CNTNAP2: variants seen among roughly 807,000 people sequenced by gnomAD.
CNTNAP2 encodes contactin associated protein 2, also known as contactin-associated protein-like 2.
A neutral mutation model predicts 155.2 loss-of-function variants in CNTNAP2; 98 were observed. That is an observed-to-expected ratio of 0.63 (90% CI 0.54 to 0.75). The LOEUF (loss-of-function observed/expected upper bound fraction) is 0.75. Among genes scored for constraint, CNTNAP2 ranks in the 30% least tolerant of loss-of-function variants. The pLI is 0.00. For synonymous variants in CNTNAP2, 651 were observed against 631.2 expected (o/e 1.03, Z -0.47); for missense variants, 1,727 against 1,688.1 (o/e 1.02, Z -0.40).
At chr7:148,254,580 T>C (rs573064475) in intron 20 of CNTNAP2, among the ~76,000 whole-genome samples, 1 of 151,994 alleles carries the variant, frequency 6.6e-6, no homozygotes, top group African/African-American at 2.4e-5. Context: ...ATCGAGACCA[T>C]CCTGGCTAAC....
At chr7:147,932,496 G>T (rs772843930) in intron 14 of CNTNAP2, among the ~76,000 whole-genome samples, 6 of 152,102 alleles carry the variant, frequency 3.9e-5, no homozygotes, top group African/African-American at 9.7e-5. Context: ...TTGGGGCATT[G>T]TATATCCACA....
At position 146,594,941 on chromosome 7, in the gene CNTNAP2, G is replaced by A. The variant is rs1336472329; in HGVS notation, c.98-179330G>A. Among the ~76,000 whole-genome samples, 3 of 152,122 alleles carry A rather than the reference G, an allele frequency of 2.0e-5. No individual in the cohort carries two copies. In the East Asian group the frequency reaches 5.8e-4, roughly 29 times the overall value. ...TGACCCTGGAGTTAGGAAGAGGTGTGTAGTGACACATCATCATATCTTTAC... is the reference window on the plus strand; with the variant it reads ...TGACCCTGGAGTTAGGAAGAGGTGTATAGTGACACATCATCATATCTTTAC... On this transcript the variant is annotated intron_variant, in intron 1 of 23. Transcript: ENST00000361727.
chr7:146,629,303 G>T (rs879696419), intron 1 of CNTNAP2, among the ~76,000 whole-genome samples: 3 of 152,062 alleles, frequency 2.0e-5, no homozygotes, highest in Admixed American at 6.6e-5. Context: ...CATGAGAAAT[G>T]TAATGTCTTT....
intron 14 of CNTNAP2, among the ~76,000 whole-genome samples, chr7:147,925,559 C>G (rs1016667546): frequency 2.2e-4 from 33 of 152,076 alleles, no homozygotes; most frequent in Non-Finnish European, 5.9e-5. Context: ...CTCTGCCTCC[C>G]AGGTTCATGC....
chr7:147,272,237 T>C (rs1804768621), intron 8 of CNTNAP2, among the ~76,000 whole-genome samples: 1 of 152,048 alleles, frequency 6.6e-6, no homozygotes, highest in African/African-American at 2.4e-5. Context: ...TTGTAACCCT[T>C]CTCCATAACA....
intron 1 of CNTNAP2, among the ~76,000 whole-genome samples, chr7:146,383,874 T>C (rs1795424631): frequency 6.6e-6 from 1 of 152,204 alleles, no homozygotes; most frequent in Non-Finnish European, 1.5e-5. Flanking sequence ...TATCTCTGGC[T>C]TTTTTATGTG....
At chr7:148,040,211 G>C (rs2527054) in intron 15 of CNTNAP2, among the ~76,000 whole-genome samples, 66,183 of 152,044 alleles carry the variant, frequency 0.44, 15,628 homozygotes, top group East Asian at 0.84. Context: ...AAAAATAACT[G>C]AAATAAATGG....
At chr7:146,523,929 T>C (rs2129137842) in intron 1 of CNTNAP2, among the ~76,000 whole-genome samples, 1 of 152,310 alleles carries the variant, frequency 6.6e-6, no homozygotes, top group East Asian at 1.9e-4. Flanking sequence ...TAATTTTCCT[T>C]GTTCCTGTGC....
At chr7:148,077,264 G>A (rs539179610) in intron 15 of CNTNAP2, among the ~76,000 whole-genome samples, 2 of 150,956 alleles carry the variant, frequency 1.3e-5, no homozygotes, top group East Asian at 2.0e-4. Flanking sequence ...CCGAGATCAC[G>A]CCATTGCACT....
intron 1 of CNTNAP2, among the ~76,000 whole-genome samples, chr7:146,649,477 A>T (rs1243298930): frequency 6.6e-6 from 1 of 152,160 alleles, no homozygotes; most frequent in African/African-American, 2.4e-5. Flanking sequence ...CATTATTTCA[A>T]ACTTCAGTGA....
At chr7:148,121,606 G>T (rs77287705) in intron 16 of CNTNAP2, among the ~76,000 whole-genome samples, 1 of 152,132 alleles carries the variant, frequency 6.6e-6, no homozygotes, top group Non-Finnish European at 1.5e-5. Flanking sequence ...GCGTGTCTCA[G>T]AGGAATTTGG....
At chr7:146,322,946 T>G (rs1801031899) in intron 1 of CNTNAP2, among the ~76,000 whole-genome samples, 1 of 152,052 alleles carries the variant, frequency 6.6e-6, no homozygotes, top group Non-Finnish European at 1.5e-5. Context: ...AGTCATTTTC[T>G]TACAAAATAT....
chr7:146,901,532 G>A (rs573357825), intron 3 of CNTNAP2, among the ~76,000 whole-genome samples: 2 of 152,028 alleles, frequency 1.3e-5, no homozygotes, highest in African/African-American at 2.4e-5. Flanking sequence ...TGACTTAAAC[G>A]GCAAAATAAA....
At chr7:146,611,951 T>C (rs1443366841) in intron 1 of CNTNAP2, among the ~76,000 whole-genome samples, 1 of 152,174 alleles carries the variant, frequency 6.6e-6, no homozygotes, top group Non-Finnish European at 1.5e-5. Flanking sequence ...TCCAGTTCTC[T>C]GATGATATAT....
intron 13 of CNTNAP2, among the ~76,000 whole-genome samples, chr7:147,744,464 T>C (rs1195601745): frequency 6.6e-6 from 1 of 152,232 alleles, no homozygotes; most frequent in Non-Finnish European, 1.5e-5. Flanking sequence ...TTAACAAATA[T>C]GTAGCGCTCT....
intron 23 of CNTNAP2, among the ~76,000 whole-genome samples, chr7:148,414,382 C>G (rs1405253031): frequency 1.3e-5 from 2 of 152,032 alleles, no homozygotes; most frequent in East Asian, 3.9e-4. Context: ...TCATTTCAGA[C>G]ATTGTGTGTT....
chr7:147,572,962 T>G (rs1800323303), intron 12 of CNTNAP2, among the ~76,000 whole-genome samples: 8 of 152,196 alleles, frequency 5.3e-5, no homozygotes, highest in Admixed American at 5.2e-4. Flanking sequence ...CCTGGAAATT[T>G]TAGAAAGAAA....
chr7:147,383,978 GA>G (rs201074831), intron 9 of CNTNAP2, among the ~76,000 whole-genome samples: 6 of 152,058 alleles, frequency 3.9e-5, no homozygotes, highest in African/African-American at 1.4e-4. Context: ...GATCTAAAAT[GA>G]AAAAAATTTA....
At chr7:146,443,011 C>A (rs762411827) in intron 1 of CNTNAP2, among the ~76,000 whole-genome samples, 5 of 151,954 alleles carry the variant, frequency 3.3e-5, no homozygotes, top group Non-Finnish European at 5.9e-5. Context: ...TCGAGACAAT[C>A]CTGGCTAGCA....
Sources: gnomAD v4.1 joint callset for allele counts (sites outside exome capture counted in the v4.1 genomes callset) on GRCh38, gnomAD v4.1.1 for gene constraint, MANE v1.5 for transcripts, NCBI Gene and HGNC (gene_info 2026-07-23, HGNC 2026-07-21) for gene names.